Variants in HECW1 observed in about 807,000 individuals in gnomAD.
HECW1 encodes the protein HECT, C2 and WW domain containing E3 ubiquitin protein ligase 1, also known as E3 ubiquitin-protein ligase HECW1.
Under a neutral mutation model 182.3 loss-of-function variants are expected in HECW1, and 61 were observed. The observed-to-expected ratio is 0.33, with a 90% CI of 0.27 to 0.41. The LOEUF (loss-of-function observed/expected upper bound fraction) is 0.41. Among genes scored for constraint, HECW1 ranks in the 10% least tolerant of loss-of-function variants. The pLI is 1.00. For missense variants in HECW1, 1,739 were observed against 2,108.9 expected (o/e 0.82, Z 3.44); for synonymous variants, 859 against 832.6 (o/e 1.03, Z -0.55).
chr7:43,409,231 G>GGGC (rs1184772177), intron 8 of HECW1, among the ~76,000 whole-genome samples: 1 of 152,186 alleles, frequency 6.6e-6, no homozygotes, highest in Non-Finnish European at 1.5e-5. Context: ...TCCTCCTAGC[G>GGGC]TTGGTTATCA....
intron 2 of HECW1, among the ~76,000 whole-genome samples, chr7:43,181,137 A>G (rs560530400): frequency 6.6e-6 from 1 of 150,764 alleles, no homozygotes; most frequent in Admixed American, 6.6e-5. Flanking sequence ...ACTTAACATA[A>G]TGTCCTCCAG....
chr7:43,155,523 CT>C (rs1439976919), intron 2 of HECW1, among the ~76,000 whole-genome samples: 3 of 152,098 alleles, frequency 2.0e-5, no homozygotes, highest in Non-Finnish European at 2.9e-5. Context: ...ATTATAAAGT[CT>C]TTACAGAAAT....
intron 2 of HECW1, among the ~76,000 whole-genome samples, chr7:43,162,139 T>C (rs1176827102): frequency 6.6e-6 from 1 of 152,280 alleles, no homozygotes; most frequent in Non-Finnish European, 1.5e-5. Context: ...AGCTACTTTT[T>C]TTCGTTTCCT....
At chr7:43,196,062 A>G (rs1794431389) in intron 2 of HECW1, among the ~76,000 whole-genome samples, 1 of 152,154 alleles carries the variant, frequency 6.6e-6, no homozygotes, top group Non-Finnish European at 1.5e-5. Flanking sequence ...TTATAAGCTC[A>G]TAGCTTCTGC....
intron 2 of HECW1, among the ~76,000 whole-genome samples, chr7:43,125,296 A>G (rs1243800705): frequency 2.0e-5 from 3 of 152,200 alleles, no homozygotes; most frequent in Non-Finnish European, 4.4e-5. Flanking sequence ...GAGGATTTCT[A>G]TGAATGGAAA....
intron 21 of HECW1, 43 bp from the exon 22 acceptor site, chr7:43,507,094 A>G: frequency 6.3e-7 from 1 of 1,584,610 alleles, no homozygotes; most frequent in East Asian, 2.3e-5. Flanking sequence ...GAAGAAGAAG[A>G]AGAAGAAAGA....
At chr7:43,301,744 A>T (rs1368757063) in intron 3 of HECW1, among the ~76,000 whole-genome samples, 3 of 152,020 alleles carry the variant, frequency 2.0e-5, no homozygotes, top group Non-Finnish European at 4.4e-5. Context: ...GTACGGTGGC[A>T]CGCACCTGTA....
intron 6 of HECW1, among the ~76,000 whole-genome samples, chr7:43,371,978 C>T (rs997104877): frequency 2.6e-5 from 4 of 152,140 alleles, no homozygotes; most frequent in Non-Finnish European, 5.9e-5. Flanking sequence ...CACCACCACG[C>T]CCCGCTAATT....
At chr7:43,160,156 C>T (rs10269274) in intron 2 of HECW1, among the ~76,000 whole-genome samples, 8,149 of 152,220 alleles carry the variant, frequency 0.054, 717 homozygotes, top group African/African-American at 0.19. Context: ...GTGGCATCTT[C>T]GTGATCTTTG....
At chr7:43,514,739 TAATG>T (rs1345832284) in intron 24 of HECW1, among the ~76,000 whole-genome samples, 1 of 152,238 alleles carries the variant, frequency 6.6e-6, no homozygotes, top group Non-Finnish European at 1.5e-5. Context: ...TTAAGCTAAA[TAATG>T]AAGGATCCAT....
intron 11 of HECW1, among the ~76,000 whole-genome samples, chr7:43,450,559 G>A (rs980476295): frequency 4.6e-5 from 7 of 152,068 alleles, no homozygotes; most frequent in Non-Finnish European, 8.8e-5. Flanking sequence ...CAGGAAATTC[G>A]GGTCATTACA....
Position 43,552,230 on chromosome 7 carries a change from C to G in HECW1, c.4404C>G (p.Asp1468Glu). ...CCTAACCTGCATTTCAGGTTGTAGA[C>G]TCGAGGCTGGTGTCCGTGTTTGATG... ...ALVRGFYEVV[D>E]SRLVSVFDAR... Residue 1468 changes from aspartate to glutamate, a missense_variant, in exon 28 of 30, where the codon GAC becomes GAG. Asp to Glu is a conservative substitution (Grantham distance 45, BLOSUM62 2). This residue lies in a region of HECW1 where 420 missense variants were observed against 595.7 expected (regional missense o/e 0.71). Coordinates refer to ENST00000395891, the MANE Select transcript of HECW1 (RefSeq NM_015052.5). 1 of 1,611,694 alleles carries G rather than the reference C, an allele frequency of 6.2e-7. No homozygotes were observed. The highest frequency in any genetic ancestry group is 8.5e-7 in the Non-Finnish European group (1 of 1,177,796).
At chr7:43,343,264 ATTCT>A (rs1339050082) in intron 5 of HECW1, among the ~76,000 whole-genome samples, 9 of 77,518 alleles carry the variant, frequency 1.2e-4, no homozygotes, top group Non-Finnish European at 1.9e-4. Flanking sequence ...GGGCAACAGT[ATTCT>A]TTTTTTTTTT....
intron 3 of HECW1, among the ~76,000 whole-genome samples, chr7:43,278,475 G>A (rs1269473238): frequency 1.3e-5 from 2 of 151,982 alleles, no homozygotes; most frequent in African/African-American, 2.4e-5. Context: ...CCACCCATGC[G>A]GCCCGTTCTC....
rs560174827 is a variant in HECW1 at position 43,462,607 on chromosome 7, T to A, written c.2652-1053T>A. Among the ~76,000 whole-genome samples, 18 of 152,220 alleles carry A rather than the reference T, an allele frequency of 1.2e-4. No homozygotes were observed. In the East Asian group the frequency reaches 2.9e-3, roughly 25 times the overall value. On this transcript the variant is annotated intron_variant, in intron 13 of 29. Coordinates refer to ENST00000395891, the MANE Select transcript of HECW1 (RefSeq NM_015052.5). ...CAGTCTGTGTTTTAAGTCCTGCGGGTGATTCTGCGTAGCTCAGGTTGGGGA... is the reference window on the plus strand; with the variant it reads ...CAGTCTGTGTTTTAAGTCCTGCGGGAGATTCTGCGTAGCTCAGGTTGGGGA...
chr7:43,433,167 C>T (rs77977115), intron 8 of HECW1, among the ~76,000 whole-genome samples: 4,467 of 152,152 alleles, frequency 0.029, 200 homozygotes, highest in African/African-American at 0.1. Context: ...AATAAGAATG[C>T]CAACAAAAAA....
At chr7:43,117,219 G>A (rs905586661) in intron 2 of HECW1, among the ~76,000 whole-genome samples, 2 of 152,174 alleles carry the variant, frequency 1.3e-5, no homozygotes, top group South Asian at 2.1e-4. Flanking sequence ...AAGGTTCCAA[G>A]CATTTTTATT....
chr7:43,461,815 C>A (rs1350135087), intron 13 of HECW1, among the ~76,000 whole-genome samples: 1 of 152,160 alleles, frequency 6.6e-6, no homozygotes, highest in East Asian at 1.9e-4. Context: ...CCACTACAGG[C>A]AAAGGTGGCT....
Position 43,114,322 on chromosome 7 carries a change from A to G in HECW1, c.-101A>G, listed in dbSNP as rs2152589037. The G allele has an allele frequency of 7.3e-7, 1 of 1,361,542 alleles. No individual in the cohort carries two copies. Among genetic ancestry groups the G allele is most frequent in the South Asian group, 1.2e-5 (1 of 81,662 alleles). The allele number at this position is 1,361,542 out of a possible 1,614,324, so 84.3% of individuals were successfully genotyped here. ...AAGACCCCGGCAGTGTTGTGGTCCA[A>G]GGCGTCTCAAAGCAGGTGGCCAGAT... On this transcript the variant is annotated 5_prime_UTR_variant, in exon 2 of 30. Coordinates refer to ENST00000395891, the MANE Select transcript of HECW1 (RefSeq NM_015052.5).
Sources: allele counts gnomAD v4.1 joint callset (sites outside exome capture counted in the v4.1 genomes callset), GRCh38; gene constraint gnomAD v4.1.1; regional missense constraint gnomAD v4.1.1; transcripts MANE v1.5; gene names NCBI Gene and HGNC (gene_info 2026-07-23, HGNC 2026-07-21).